The following PRSS38 variants were observed in gnomAD, a reference collection of about 807,000 sequenced individuals.
PRSS38 encodes the protein serine protease 38.
In PRSS38, 22 loss-of-function variants were observed where a neutral mutation model predicts 26.8. The ratio of observed to expected loss-of-function variants is 0.82; its 90% CI spans 0.59 to 1.17. The LOEUF (loss-of-function observed/expected upper bound fraction) is 1.17, where lower values mean the gene tolerates loss of function less well. Among genes scored for constraint, PRSS38 ranks in the 50% most tolerant of loss-of-function variants. The pLI, the probability that PRSS38 is intolerant of heterozygous loss-of-function variation, is 0.00. For missense variants in PRSS38, 427 were observed against 422.7 expected (o/e 1.01, Z -0.09); for synonymous variants, 175 against 172.1 (o/e 1.02, Z -0.13).
At chr1:227,817,267 G>A (rs752363325) in exon 3 of PRSS38, 15 of 1,613,990 alleles carry the variant, frequency 9.3e-6, no homozygotes, top group South Asian at 4.4e-5. Context: ...CAGGGTGGCC[G>A]GCAACCACAC....
At chr1:227,818,521 A>G (rs1436073067) in intron 3 of PRSS38, among the ~76,000 whole-genome samples, 1 of 152,010 alleles carries the variant, frequency 6.6e-6, no homozygotes, top group Non-Finnish European at 1.5e-5. Flanking sequence ...TCTACAAAAA[A>G]TGCTGACTTA....
Position 227,816,845 on chromosome 1 carries a change from C to T in PRSS38, c.312-364C>T, listed in dbSNP as rs377651412. ...GCCTTCCCGATTGCTCCTCCAACAGCCCCATTCACCACAGCTGCCCCGCAC... is the reference window on the plus strand; with the variant it reads ...GCCTTCCCGATTGCTCCTCCAACAGTCCCATTCACCACAGCTGCCCCGCAC... On this transcript the variant is annotated intron_variant, in intron 2 of 4. Transcript: ENST00000366757. The surrounding 1 kb of genome is among the most constrained non-coding windows in gnomAD (Gnocchi z 5.1). 4.6e-5 allele frequency among the ~76,000 whole-genome samples: 7 copies of T among 152,238 alleles called. No individual in the cohort carries two copies. The highest frequency in any genetic ancestry group is 4.6e-4 in the Admixed American group (7 of 15,294).
intron 3 of PRSS38, among the ~76,000 whole-genome samples, chr1:227,842,142 T>C (rs1665347126): frequency 6.6e-6 from 1 of 152,070 alleles, no homozygotes; most frequent in Non-Finnish European, 1.5e-5. Flanking sequence ...ACCTCGAACA[T>C]TTGGAGTTGA....
intron 3 of PRSS38, among the ~76,000 whole-genome samples, chr1:227,829,312 T>C (rs923151164): frequency 6.6e-6 from 1 of 152,200 alleles, no homozygotes; most frequent in African/African-American, 2.4e-5. Context: ...TTTTTTGACT[T>C]TTTAATAATA....
At chr1:227,843,868 AAGTT>A (rs1281259595) in intron 3 of PRSS38, among the ~76,000 whole-genome samples, 2 of 151,822 alleles carry the variant, frequency 1.3e-5, no homozygotes, top group Non-Finnish European at 2.9e-5. Flanking sequence ...AAAAATATAA[AAGTT>A]AGCCGGGTGT....
chr1:227,840,507 T>C (rs1665322106), intron 3 of PRSS38, among the ~76,000 whole-genome samples: 2 of 152,200 alleles, frequency 1.3e-5, no homozygotes, highest in Non-Finnish European at 2.9e-5. Context: ...CAAAATTCAG[T>C]GTCCCTACAT....
intron 3 of PRSS38, among the ~76,000 whole-genome samples, chr1:227,829,694 A>C (rs4622126): frequency 6.6e-6 from 1 of 152,074 alleles, no homozygotes; most frequent in Non-Finnish European, 1.5e-5. Context: ...ATTCTGAGAA[A>C]TGTAGTTTAA....
chr1:227,826,483 G>A (rs2102676975), intron 3 of PRSS38, among the ~76,000 whole-genome samples: 1 of 152,310 alleles, frequency 6.6e-6, no homozygotes, highest in South Asian at 2.1e-4. Context: ...GGAGGTTGAG[G>A]CGGGTGGATC....
At chr1:227,829,469 T>C (rs1279167108) in intron 3 of PRSS38, among the ~76,000 whole-genome samples, 1 of 152,208 alleles carries the variant, frequency 6.6e-6, no homozygotes, top group Non-Finnish European at 1.5e-5. Context: ...AAAAGTGCTT[T>C]TGAGCACTCC....
rs1305823913 is a variant in PRSS38, at chr1:227,816,697, G to A, written c.311+445G>A. ...CCACAAGTGAGGCTGGTCCTCAAGG[G>A]CACAGCCAGATTCCCACAAGTGAGG... On this transcript the variant is annotated intron_variant, in intron 2 of 4. Coordinates refer to ENST00000366757, the Ensembl canonical transcript of PRSS38. The surrounding 1 kb of genome is among the most constrained non-coding windows in gnomAD (Gnocchi z 5.1). Among the ~76,000 whole-genome samples the A allele has an allele frequency of 6.6e-6, 1 of 151,716 alleles. No individual in the cohort carries two copies. The highest frequency in any genetic ancestry group is 2.4e-5 in the African/African-American group (1 of 41,272).
At position 227,823,120 on chromosome 1, in the gene PRSS38, T is replaced by C. The variant is rs571348092; in HGVS notation, c.583+5640T>C. ...TCCTCCTACCTTGCTGAGTCTCCAA[T>C]GCATATTATTCCACTCTCTGTGTTG... On this transcript the variant is annotated intron_variant, in intron 3 of 4. Transcript: ENST00000366757. Among the ~76,000 whole-genome samples the C allele has an allele frequency of 5.3e-5, 8 of 152,198 alleles. No homozygotes were observed. In the South Asian group the frequency reaches 1.7e-3, roughly 32 times the overall value.
chr1:227,822,152 C>G (rs10916222), intron 3 of PRSS38, among the ~76,000 whole-genome samples: 118,039 of 151,408 alleles, frequency 0.78, 46,118 homozygotes, highest in East Asian at 0.88. Context: ...CCATTATTTG[C>G]CATTTTAATG....
intron 3 of PRSS38, among the ~76,000 whole-genome samples, chr1:227,819,627 T>C (rs920665409): frequency 6.6e-6 from 1 of 152,236 alleles, no homozygotes; most frequent in Non-Finnish European, 1.5e-5. Flanking sequence ...TTCCATTTAT[T>C]TGAGTCTTTA....
In PRSS38 at chr1:227,845,920, C is replaced by G. The variant is rs199963598; in HGVS notation, c.727-34C>G. On this transcript the variant is annotated intron_variant, in intron 4 of 4. Transcript: ENST00000366757. ...TGCAGGAGGCGGCAGGCCTGGGACT[C>G]CCAGTTCACAAAAAACTCCCTCTTC... The G allele has an allele frequency of 1.8e-4, 292 of 1,610,750 alleles. 4 individuals are homozygous for G. The East Asian group carries it at 5.7e-3, about 32-fold the overall frequency.
intron 4 of PRSS38, 123 bp downstream of exon 4, chr1:227,845,735 A>G (rs183911503): frequency 5.5e-6 from 7 of 1,278,896 alleles, no homozygotes; most frequent in Non-Finnish European, 7.6e-6. Flanking sequence ...CAAGCTGAGC[A>G]GGGCGATGTA....
chr1:227,821,715 A>C (rs1665005963), intron 3 of PRSS38, among the ~76,000 whole-genome samples: 1 of 152,188 alleles, frequency 6.6e-6, no homozygotes, highest in African/African-American at 2.4e-5. Context: ...AATCTGATTG[A>C]GGATCCTTGT....
intron 3 of PRSS38, among the ~76,000 whole-genome samples, chr1:227,831,950 C>A (rs1665159794): frequency 6.6e-6 from 1 of 152,166 alleles, no homozygotes; most frequent in Non-Finnish European, 1.5e-5. Context: ...TTCAATTATG[C>A]CAGGTTTTGC....
chr1:227,842,647 T>G (rs1232778918), intron 3 of PRSS38, among the ~76,000 whole-genome samples: 1 of 151,804 alleles, frequency 6.6e-6, no homozygotes, highest in Non-Finnish European at 1.5e-5. Context: ...TGGCGTGATC[T>G]CTGGCTCACC....
At chr1:227,838,227 A>G (rs1231243173) in intron 3 of PRSS38, among the ~76,000 whole-genome samples, 1 of 152,210 alleles carries the variant, frequency 6.6e-6, no homozygotes, top group African/African-American at 2.4e-5. Flanking sequence ...CATCTATTCT[A>G]GAAGCGTTTT....
Sources: allele counts gnomAD v4.1 joint callset (sites outside exome capture counted in the v4.1 genomes callset), GRCh38; gene constraint gnomAD v4.1.1; non-coding constraint Gnocchi (gnomAD v3.1); transcripts MANE v1.5; gene names NCBI Gene and HGNC (gene_info 2026-07-23, HGNC 2026-07-21).